The following PEPD variants were observed in gnomAD, a reference collection of about 807,000 sequenced individuals.
PEPD encodes peptidase D, also known as xaa-Pro dipeptidase.
Under a neutral mutation model 60.7 loss-of-function variants are expected in PEPD, and 53 were observed. That is an observed-to-expected ratio of 0.87 (90% CI 0.70 to 1.10). The LOEUF is 1.10. Among genes scored for constraint, PEPD ranks in the 50% least tolerant of loss-of-function variants. The pLI, the probability that PEPD is intolerant of heterozygous loss-of-function variation, is 0.00. For missense variants in PEPD, 711 were observed against 711.9 expected, an observed-to-expected ratio of 1.00 and a Z score of 0.01; for synonymous variants, 267 against 284.1, an observed-to-expected ratio of 0.94 and a Z score of 0.60.
intron 9 of PEPD, among the ~76,000 whole-genome samples, chr19:33,438,940 G>A (rs1307129204): frequency 5.3e-5 from 8 of 152,218 alleles, no homozygotes; most frequent in African/African-American, 1.9e-4. Flanking sequence ...GGTTGGTCTC[G>A]AACTCCTAAG....
At chr19:33,415,282 C>T (rs1343937495) in intron 9 of PEPD, among the ~76,000 whole-genome samples, 2 of 151,170 alleles carry the variant, frequency 1.3e-5, no homozygotes, top group Non-Finnish European at 3.0e-5. Context: ...CTGCAGACAA[C>T]CACGGGCTGC....
intron 4 of PEPD, among the ~76,000 whole-genome samples, chr19:33,496,156 G>A (rs1031322911): frequency 1.3e-5 from 2 of 152,168 alleles, no homozygotes; most frequent in African/African-American, 4.8e-5. Flanking sequence ...GAAGGAGCCC[G>A]TCAATTACAG....
chr19:33,492,392 T>C (rs1970519055), intron 5 of PEPD, among the ~76,000 whole-genome samples: 1 of 152,124 alleles, frequency 6.6e-6, no homozygotes, highest in African/African-American at 2.4e-5. Flanking sequence ...CTTTTTAAAT[T>C]TTTTATTTTT....
At chr19:33,435,526 G>C (rs1969357814) in intron 9 of PEPD, among the ~76,000 whole-genome samples, 1 of 152,202 alleles carries the variant, frequency 6.6e-6, no homozygotes, top group African/African-American at 2.4e-5. Context: ...TCTGGCTGGG[G>C]ACAACAGCCC....
At chr19:33,496,167 C>T (rs1568501926) in intron 4 of PEPD, among the ~76,000 whole-genome samples, 1 of 152,140 alleles carries the variant, frequency 6.6e-6, no homozygotes, top group African/African-American at 2.4e-5. Flanking sequence ...TCAATTACAG[C>T]AGCTGAATCA....
At chr19:33,438,049 C>G (rs1969413190) in intron 9 of PEPD, among the ~76,000 whole-genome samples, 1 of 152,220 alleles carries the variant, frequency 6.6e-6, no homozygotes, top group Admixed American at 6.5e-5. Flanking sequence ...GCATGAGAGC[C>G]ACGGGCAATT....
At chr19:33,387,547 C>T (rs953353104) in intron 14 of PEPD, 66 bp from the exon 15 acceptor site, 58 of 1,593,950 alleles carry the variant, frequency 3.6e-5, no homozygotes, top group Non-Finnish European at 4.5e-5. Flanking sequence ...GAGGGCCGGG[C>T]CCATTCCAGG....
intron 13 of PEPD, among the ~76,000 whole-genome samples, chr19:33,389,878 A>G (rs73030120): frequency 0.13 from 20,351 of 152,312 alleles, 1,841 homozygotes; most frequent in Admixed American, 0.24. Flanking sequence ...CCTGCTGAGA[A>G]CAGGGCGCAG....
chr19:33,520,049 A>G (rs1345113605), intron 1 of PEPD, among the ~76,000 whole-genome samples: 1 of 150,934 alleles, frequency 6.6e-6, no homozygotes, highest in Non-Finnish European at 1.5e-5. Context: ...GGGCAACAAG[A>G]GCAAAACTAC....
At chr19:33,503,764 CCCTT>C (rs1168649297) in intron 3 of PEPD, among the ~76,000 whole-genome samples, 2 of 152,226 alleles carry the variant, frequency 1.3e-5, no homozygotes, top group Non-Finnish European at 2.9e-5. Context: ...CTAGCCCCCT[CCCTT>C]CATTGCCTCC....
intron 7 of PEPD, among the ~76,000 whole-genome samples, chr19:33,472,648 A>T (rs887807848): frequency 2.0e-5 from 3 of 152,206 alleles, no homozygotes; most frequent in Admixed American, 2.0e-4. Flanking sequence ...CTGAATTAAG[A>T]TATCAATTAA....
intron 9 of PEPD, among the ~76,000 whole-genome samples, chr19:33,418,610 G>A (rs569323019): frequency 2.0e-5 from 3 of 152,214 alleles, no homozygotes; most frequent in South Asian, 4.1e-4. Context: ...TGGAATCGCC[G>A]CCTGGGTGGC....
At chr19:33,431,992 C>CAAAAAAAAAAAAAAAAA (rs906879187) in intron 9 of PEPD, among the ~76,000 whole-genome samples, 11 of 77,856 alleles carry the variant, frequency 1.4e-4, no homozygotes, top group African/African-American at 1.9e-4. Context: ...GACACCACCT[C>CAAAAAAAAAAAAAAAAA]AAAAAAAAAA....
intron 9 of PEPD, among the ~76,000 whole-genome samples, chr19:33,460,919 C>T (rs991262438): frequency 2.0e-5 from 3 of 152,148 alleles, no homozygotes; most frequent in African/African-American, 4.8e-5. Context: ...AGTTTGTAGA[C>T]AGGGGTGACA....
chr19:33,464,388 C>T (rs1286243797), intron 7 of PEPD, among the ~76,000 whole-genome samples: 1 of 152,228 alleles, frequency 6.6e-6, no homozygotes, highest in African/African-American at 2.4e-5. Context: ...CTCCCTCAAC[C>T]TCAGTTTCCC....
chr19:33,459,238 AC>A (rs907755836), intron 9 of PEPD, among the ~76,000 whole-genome samples: 1 of 151,966 alleles, frequency 6.6e-6, no homozygotes, highest in African/African-American at 2.4e-5. Context: ...GATTCTCATG[AC>A]CCCCCAGAAA....
intron 12 of PEPD, 66 bp downstream of exon 12, chr19:33,401,655 C>G: frequency 6.8e-7 from 1 of 1,462,940 alleles, no homozygotes; most frequent in African/African-American, 1.4e-5. Context: ...CCTGCAGGCA[C>G]CTGCCACATA....
intron 11 of PEPD, among the ~76,000 whole-genome samples, chr19:33,408,680 C>A (rs1052394325): frequency 1.3e-5 from 2 of 152,186 alleles, no homozygotes; most frequent in Non-Finnish European, 2.9e-5. Context: ...GACTAAAACC[C>A]AGAGCAGGCC....
In PEPD at chr19:33,512,516, C is replaced by A. The variant is rs1970946363; in HGVS notation, c.201+77G>T. 2.7e-5 allele frequency: 39 copies of A among 1,443,622 alleles called. No homozygotes were observed. The South Asian group carries it at 4.1e-4, about 15-fold the overall frequency. 89.4% of individuals were successfully genotyped at this position (1,443,622 alleles called of 1,614,324 possible). A position where few individuals can be genotyped will look rare whatever the true frequency, so the allele number is the denominator to read the frequency against. On this transcript the variant is annotated intron_variant, in intron 2 of 14. Coordinates refer to ENST00000244137, the MANE Select transcript of PEPD (RefSeq NM_000285.4). ...GCCACAAGGGGCAGCACTGGCCAAG[C>A]TGGGGCCTCCAACTCCTGCTCAGGA...
Sources: allele counts gnomAD v4.1 joint callset (sites outside exome capture counted in the v4.1 genomes callset), GRCh38; gene constraint gnomAD v4.1.1; transcripts MANE v1.5; gene names NCBI Gene and HGNC (gene_info 2026-07-23, HGNC 2026-07-21).